The following WDHD1 variants were observed in gnomAD, a reference collection of about 807,000 sequenced individuals.
WDHD1 encodes the protein WD repeat and HMG-box DNA binding protein 1, also known as WD repeat and HMG-box DNA-binding protein 1.
Under a neutral mutation model 135.4 loss-of-function variants are expected in WDHD1, and 111 were observed. The ratio of observed to expected loss-of-function variants is 0.82; its 90% CI spans 0.70 to 0.96. The LOEUF is 0.96. Ranked by LOEUF, WDHD1 falls within the 40% of genes least tolerant of loss-of-function variation. The pLI, the probability that WDHD1 is intolerant of heterozygous loss-of-function variation, is 0.00. For missense variants in WDHD1, 1,351 were observed against 1,336.3 expected (o/e 1.01, Z -0.17); for synonymous variants, 434 against 439.0 (o/e 0.99, Z 0.14).
intron 7 of WDHD1, chr14:55,005,114 C>T: frequency 1.9e-6 from 1 of 533,042 alleles, no homozygotes; most frequent in Admixed American, 2.0e-5. Flanking sequence ...CAGGCATGAC[C>T]TCCCACAGGA....
chr14:54,945,313 C>T (rs2040904678), intron 24 of WDHD1, among the ~76,000 whole-genome samples: 1 of 152,146 alleles, frequency 6.6e-6, no homozygotes, highest in Non-Finnish European at 1.5e-5. Context: ...AGGTTTAATG[C>T]AAATATTTAA....
At chr14:54,977,359 T>C (rs1487151620) in intron 16 of WDHD1, among the ~76,000 whole-genome samples, 1 of 152,186 alleles carries the variant, frequency 6.6e-6, no homozygotes, top group African/African-American at 2.4e-5. Context: ...AATTTTCACA[T>C]GTATGCAGAT....
intron 2 of WDHD1, among the ~76,000 whole-genome samples, chr14:55,022,561 A>G (rs2042366622): frequency 1.3e-5 from 2 of 152,060 alleles, no homozygotes; most frequent in Admixed American, 1.3e-4. Flanking sequence ...GTATGCCTGT[A>G]ATCCCAGCTA....
chr14:54,992,853 C>T (rs72715573), intron 11 of WDHD1, among the ~76,000 whole-genome samples: 64,095 of 151,968 alleles, frequency 0.42, 15,219 homozygotes, highest in African/African-American at 0.65. Context: ...TTCAAGGTTA[C>T]AGTGAGGTGT....
intron 2 of WDHD1, among the ~76,000 whole-genome samples, chr14:55,015,375 G>A (rs1054118190): frequency 1.5e-4 from 10 of 67,856 alleles, no homozygotes; most frequent in African/African-American, 5.0e-4. Context: ...GCATGACACT[G>A]TCTCAAAAAA....
chr14:54,967,297 C>A lies in WDHD1; in HGVS notation c.2161G>T (p.Glu721Ter). 1 of 1,611,452 alleles carries A rather than the reference C, an allele frequency of 6.2e-7. No individual in the cohort carries two copies. The highest frequency in any genetic ancestry group is 8.5e-7 in the Non-Finnish European group (1 of 1,178,350). The part of the protein sequence containing the change: ...FKLPYCQIAT[E>*]KGQMEEQFWR... Reference sequence around the variant, plus strand: ...CCACATACCTCCATTTGTCCTTTCTCTGTTGCAATCTGACAGTAAGGAAGC... The same window carrying A: ...CCACATACCTCCATTTGTCCTTTCTATGTTGCAATCTGACAGTAAGGAAGC... Residue 721 changes from glutamate (E) to a stop codon, truncating the protein, a stop_gained, in exon 17 of 26, where the codon GAG (glutamate) becomes TAG (stop). Transcript: ENST00000360586. LOFTEE classifies it high-confidence loss of function.
At chr14:55,022,376 C>T (rs2042362846) in intron 2 of WDHD1, among the ~76,000 whole-genome samples, 1 of 152,152 alleles carries the variant, frequency 6.6e-6, no homozygotes, top group Non-Finnish European at 1.5e-5. Context: ...GTTAGCCTTC[C>T]TGCCTTAAAT....
intron 2 of WDHD1, among the ~76,000 whole-genome samples, chr14:55,022,043 A>T (rs958934765): frequency 6.6e-6 from 1 of 152,186 alleles, no homozygotes; most frequent in Non-Finnish European, 1.5e-5. Flanking sequence ...TAGAGGTTGA[A>T]TTCGAGACAT....
intron 7 of WDHD1, 31 bp downstream of exon 7, chr14:55,007,249 A>AAAT: frequency 7.1e-7 from 1 of 1,410,000 alleles, no homozygotes; most frequent in Non-Finnish European, 9.6e-7. Flanking sequence ...AAAAAAAAAA[A>AAAT]GAAAAGAAAA....
At chr14:54,975,810 G>A (rs1038913462) in intron 16 of WDHD1, among the ~76,000 whole-genome samples, 2 of 151,842 alleles carry the variant, frequency 1.3e-5, no homozygotes, top group Admixed American at 6.6e-5. Context: ...GTATTCAGGT[G>A]TGCACCGATG....
intron 11 of WDHD1, among the ~76,000 whole-genome samples, chr14:54,995,278 G>A (rs2041859433): frequency 6.6e-6 from 1 of 152,122 alleles, no homozygotes; most frequent in Non-Finnish European, 1.5e-5. Flanking sequence ...ACCGTGCCCG[G>A]CCTTATTGAT....
intron 24 of WDHD1, 119 bp downstream of exon 24, chr14:54,955,442 C>T: frequency 9.8e-7 from 1 of 1,021,866 alleles, no homozygotes; most frequent in Non-Finnish European, 1.3e-6. Context: ...CCAGAATGCC[C>T]ACTACCAATG....
chr14:54,980,812 A>AC (rs2041606211), intron 16 of WDHD1, among the ~76,000 whole-genome samples: 1 of 149,504 alleles, frequency 6.7e-6, no homozygotes, highest in South Asian at 2.1e-4. Context: ...TAAAAAAAAA[A>AC]AAAAAAAAAA....
At chr14:55,004,803 C>T (rs1430613393) in intron 7 of WDHD1, 6 of 456,934 alleles carry the variant, frequency 1.3e-5, no homozygotes, top group South Asian at 8.1e-5. Flanking sequence ...AGAGCCTGTG[C>T]AAGAACAGCT....
chr14:55,005,027 C>T (rs1484340599), intron 7 of WDHD1: 2 of 545,502 alleles, frequency 3.7e-6, no homozygotes, highest in African/African-American at 3.8e-5. Context: ...CCTGAAATTC[C>T]TCCTTGGTCA....
chr14:55,022,000 TG>T (rs2140234022), intron 2 of WDHD1, among the ~76,000 whole-genome samples: 1 of 152,290 alleles, frequency 6.6e-6, no homozygotes, highest in South Asian at 2.1e-4. Context: ...GTTTATGTAA[TG>T]AGCCCGTAAA....
intron 21 of WDHD1, among the ~76,000 whole-genome samples, chr14:54,958,585 C>A (rs994262575): frequency 6.6e-6 from 1 of 152,200 alleles, no homozygotes; most frequent in Admixed American, 6.5e-5. Flanking sequence ...CTGGTGGATA[C>A]CTTTCAGTCA....
In WDHD1 at chr14:54,941,051, G is replaced by C. The variant is rs909496594; in HGVS notation, c.*439C>G. The C allele has an allele frequency of 2.0e-5, 3 of 152,588 alleles. No individual in the cohort carries two copies. Among genetic ancestry groups the C allele is most frequent in the African/African-American group, 7.2e-5 (3 of 41,436 alleles). 9.5% of individuals were successfully genotyped at this position (152,588 alleles called of 1,614,324 possible). On this transcript the variant is annotated 3_prime_UTR_variant, in exon 26 of 26. Transcript: ENST00000360586. ...ATTATTAAAAGACGTCATCCCCTAG[G>C]TCTAGTAGAAACATATAGAGAAGTC... is the stretch of plus-strand genomic sequence containing the variant.
In WDHD1 at chr14:54,987,480, C is replaced by G. The variant is rs961238866; in HGVS notation, c.1527-93G>C. ...CAATCATGATATTCAACAAAAAAAC[C>G]AAATAGTTTACTTCCTATTATACAC... On this transcript the variant is annotated intron_variant, in intron 13 of 25. Coordinates refer to ENST00000360586, the MANE Select transcript of WDHD1 (RefSeq NM_007086.4). 14 of 1,187,458 alleles carry G rather than the reference C, an allele frequency of 1.2e-5. No individual in the cohort carries two copies. The Admixed American group carries it at 4.0e-4, about 34-fold the overall frequency. The allele number at this position is 1,187,458 out of a possible 1,614,324, so 73.6% of individuals were successfully genotyped here.
Sources: allele counts gnomAD v4.1 joint callset (sites outside exome capture counted in the v4.1 genomes callset), GRCh38; gene constraint gnomAD v4.1.1; transcripts MANE v1.5; gene names NCBI Gene and HGNC (gene_info 2026-07-23, HGNC 2026-07-21).